Variants in C12orf42 observed in about 807,000 individuals in gnomAD.
C12orf42 encodes chromosome 12 open reading frame 42.
A neutral mutation model predicts 21.6 loss-of-function variants in C12orf42; 25 were observed. That is an observed-to-expected ratio of 1.16 (90% CI 0.84 to 1.62). The LOEUF (loss-of-function observed/expected upper bound fraction) is 1.62, where lower values mean the gene tolerates loss of function less well. Among genes scored for constraint, C12orf42 ranks in the 40% most tolerant of loss-of-function variants. C12orf42 has a pLI of 0.00. For missense variants in C12orf42, 483 were observed against 459.3 expected (o/e 1.05, Z -0.47); for synonymous variants, 174 against 175.0 (o/e 0.99, Z 0.05).
intron 4 of C12orf42, chr12:103,349,296 C>A (rs1250882731): frequency 6.6e-6 from 1 of 151,988 alleles, no homozygotes; most frequent in African/African-American, 2.4e-5. Flanking sequence ...ATATGCAGAA[C>A]AAACTTGAGA....
the C12orf42 span, among the ~76,000 whole-genome samples, chr12:103,182,438 G>C: frequency 6.6e-6 from 1 of 152,206 alleles, no homozygotes; most frequent in Non-Finnish European, 1.5e-5. Flanking sequence ...AAATGGCAAA[G>C]AGGAGGAGCA....
chr12:103,533,158 T>A, the C12orf42 span, among the ~76,000 whole-genome samples: 1 of 152,354 alleles, frequency 6.6e-6, no homozygotes, highest in African/African-American at 2.4e-5. Context: ...CAATGGTGGT[T>A]ATGTCCTCTA....
chr12:103,161,981 G>C, the C12orf42 span, among the ~76,000 whole-genome samples: 5 of 152,258 alleles, frequency 3.3e-5, no homozygotes, highest in Admixed American at 2.0e-4. Flanking sequence ...AATAGAATCT[G>C]TTCCCACAGG....
At chr12:103,113,022 G>T in the C12orf42 span, among the ~76,000 whole-genome samples, 1 of 152,104 alleles carries the variant, frequency 6.6e-6, no homozygotes, top group African/African-American at 2.4e-5. Flanking sequence ...GAGTCCCAAG[G>T]CTATGAAATG....
At chr12:103,461,486 T>C (rs1165265730) in intron 2 of C12orf42, among the ~76,000 whole-genome samples, 2 of 152,204 alleles carry the variant, frequency 1.3e-5, no homozygotes, top group Non-Finnish European at 2.9e-5. Flanking sequence ...CAGACCCACT[T>C]TGCATTATAA....
chr12:103,547,349 G>A, the C12orf42 span, among the ~76,000 whole-genome samples: 1 of 152,158 alleles, frequency 6.6e-6, no homozygotes, highest in Non-Finnish European at 1.5e-5. Context: ...TTCCATTATT[G>A]TAGAAAGTTC....
At chr12:103,200,872 A>G in the C12orf42 span, among the ~76,000 whole-genome samples, 726 of 152,334 alleles carry the variant, frequency 4.8e-3, 1 homozygote, top group South Asian at 0.011. Flanking sequence ...AATAGGAACA[A>G]TTACAATCAA....
chr12:103,048,490 C>T, the C12orf42 span, among the ~76,000 whole-genome samples: 3 of 152,054 alleles, frequency 2.0e-5, no homozygotes, highest in Non-Finnish European at 4.4e-5. Flanking sequence ...GAACGTCTGA[C>T]CAAGAGTCAA....
At chr12:103,071,680 A>T in the C12orf42 span, among the ~76,000 whole-genome samples, 2 of 152,136 alleles carry the variant, frequency 1.3e-5, no homozygotes, top group Admixed American at 1.3e-4. Context: ...GCTTGCTGCC[A>T]TGTAAGATGT....
the C12orf42 span, among the ~76,000 whole-genome samples, chr12:103,150,320 AT>A: frequency 2.6e-5 from 4 of 152,248 alleles, no homozygotes; most frequent in African/African-American, 9.6e-5. Flanking sequence ...AGAAACAGCT[AT>A]GTGTAAGAAA....
chr12:103,119,426 A>G, the C12orf42 span, among the ~76,000 whole-genome samples: 2 of 152,172 alleles, frequency 1.3e-5, no homozygotes, highest in Admixed American at 6.5e-5. Context: ...GTTGGAGCAC[A>G]TCCACTAATA....
At chr12:103,518,406 CTCT>C in the C12orf42 span, among the ~76,000 whole-genome samples, 1 of 152,156 alleles carries the variant, frequency 6.6e-6, no homozygotes, top group Non-Finnish European at 1.5e-5. Context: ...ACGCCAGAAA[CTCT>C]TCTGCCAATG....
chr12:103,218,212 G>A, the C12orf42 span, among the ~76,000 whole-genome samples: 7 of 151,496 alleles, frequency 4.6e-5, no homozygotes, highest in South Asian at 2.1e-4. Context: ...CCTGGGAGGC[G>A]GAAGTTGCGG....
chr12:103,403,215 A>C (rs961567129), intron 2 of C12orf42, among the ~76,000 whole-genome samples: 1 of 152,064 alleles, frequency 6.6e-6, no homozygotes, highest in Non-Finnish European at 1.5e-5. Flanking sequence ...CTCTACTAAA[A>C]ATACAAAAAA....
chr12:103,228,526 A>G, the C12orf42 span, among the ~76,000 whole-genome samples: 1 of 152,136 alleles, frequency 6.6e-6, no homozygotes, highest in Non-Finnish European at 1.5e-5. Flanking sequence ...AGGGGATGTG[A>G]TGGCTTGGCT....
intron 4 of C12orf42, among the ~76,000 whole-genome samples, chr12:103,308,561 G>A (rs1437696636): frequency 6.6e-6 from 1 of 152,192 alleles, no homozygotes; most frequent in Non-Finnish European, 1.5e-5. Flanking sequence ...ATTCATGGAG[G>A]GAGCAGAATG....
intron 2 of C12orf42, among the ~76,000 whole-genome samples, chr12:103,403,147 G>T (rs185085911): frequency 3.4e-4 from 51 of 152,048 alleles, no homozygotes; most frequent in Non-Finnish European, 6.3e-4. Flanking sequence ...AGGCCGAGGC[G>T]GGCGGATCAC....
At chr12:103,417,851 C>T (rs927033134) in intron 2 of C12orf42, among the ~76,000 whole-genome samples, 3 of 152,060 alleles carry the variant, frequency 2.0e-5, no homozygotes, top group Admixed American at 2.0e-4. Context: ...TGAATGTATG[C>T]AGGAGTCAAT....
chr12:103,332,801 T>G (rs1176669380), intron 4 of C12orf42, among the ~76,000 whole-genome samples: 1 of 152,236 alleles, frequency 6.6e-6, no homozygotes, highest in Non-Finnish European at 1.5e-5. Context: ...CTATAGCCCA[T>G]GGACCAAATC....
Sources: gnomAD v4.1 joint callset for allele counts (sites outside exome capture counted in the v4.1 genomes callset) on GRCh38, gnomAD v4.1.1 for gene constraint, MANE v1.5 for transcripts, NCBI Gene and HGNC (gene_info 2026-07-23, HGNC 2026-07-21) for gene names.